Variants in DNAH2 observed in about 807,000 individuals in gnomAD.
DNAH2 encodes dynein axonemal heavy chain 2, also known as axonemal beta dynein heavy chain 2.
Under a neutral mutation model 523.5 loss-of-function variants are expected in DNAH2, and 323 were observed. That is an observed-to-expected ratio of 0.62 (90% CI 0.56 to 0.68). DNAH2 has a LOEUF of 0.68. Ranked by LOEUF, DNAH2 falls within the 30% of genes least tolerant of loss-of-function variation. DNAH2 has a pLI of 0.00. For missense variants in DNAH2, 4,907 were observed against 5,701.5 expected (o/e 0.86, Z 4.49); for synonymous variants, 2,093 against 2,177.4 (o/e 0.96, Z 1.08).
Position 7,760,807 on chromosome 17 carries a change from G to A in DNAH2, c.2853G>A (p.Leu951=). The change falls in exon 18 of 86, where the codon CTG becomes CTA. Residue 951 remains leucine, a synonymous_variant. Coordinates refer to ENST00000572933, the MANE Select transcript of DNAH2 (RefSeq NM_020877.5). The surrounding 1 kb of genome is among the most constrained non-coding windows in gnomAD (Gnocchi z 4.0). ...GCGGCATGACTAACAACGCAAGCCTGCTGCAGAACTACCTCAAGACCTGGG... is the reference window on the plus strand; with the variant it reads ...GCGGCATGACTAACAACGCAAGCCTACTGCAGAACTACCTCAAGACCTGGG... ...ISSGMTNNAS[L]LQNYLKTWDM... 1 of 1,614,190 alleles carries A rather than the reference G, an allele frequency of 6.2e-7. No homozygotes were observed. Among genetic ancestry groups the A allele is most frequent in the African/African-American group, 1.3e-5 (1 of 75,034 alleles).
intron 13 of DNAH2, among the ~76,000 whole-genome samples, 173 bp from the exon 14 acceptor site, chr17:7,758,322 A>G (rs1223501564): frequency 1.3e-5 from 2 of 152,154 alleles, no homozygotes; most frequent in African/African-American, 4.8e-5. Flanking sequence ...GCACCAACCT[A>G]AGAGAACACT....
At position 7,759,918 on chromosome 17, in the gene DNAH2, A is replaced by G; in HGVS notation, c.2765A>G (p.Glu922Gly). ...CTCACCAAGCGCAAGTTACATCGTG[A>G]ACCCATCCAAACAGTTGTGGGTGAG... ...DILTKRKLHREPIQTVVEQDE... is the reference protein window; with the variant it reads ...DILTKRKLHRGPIQTVVEQDE... Residue 922 changes from glutamate (E) to glycine (G), a missense_variant, in exon 17 of 86, where the codon GAA becomes GGA. Coordinates refer to ENST00000572933, the MANE Select transcript of DNAH2 (RefSeq NM_020877.5). The G allele has an allele frequency of 6.2e-7, 1 of 1,614,178 alleles. No individual in the cohort carries two copies. Among genetic ancestry groups the G allele is most frequent in the Non-Finnish European group, 8.5e-7 (1 of 1,180,032 alleles).
chr17:7,735,688 T>C (rs1313356239), intron 7 of DNAH2, among the ~76,000 whole-genome samples: 4 of 151,410 alleles, frequency 2.6e-5, no homozygotes, highest in Non-Finnish European at 5.9e-5. Context: ...ATCCACCCAC[T>C]TCAGCCTCCT....
chr17:7,823,110 A>C (rs2077906754), intron 73 of DNAH2, among the ~76,000 whole-genome samples: 1 of 152,098 alleles, frequency 6.6e-6, no homozygotes, highest in Non-Finnish European at 1.5e-5. Context: ...CCTGGCCAAC[A>C]TGGTGAAACC....
intron 61 of DNAH2, 55 bp downstream of exon 61, chr17:7,805,448 GTCGGCTGTGCAGCAGACAC>G: frequency 6.2e-7 from 1 of 1,608,680 alleles, no homozygotes; most frequent in Non-Finnish European, 8.5e-7. Context: ...TTTATTGATC[GTCGGCTGTGCAGCAGACAC>G]TCAGAAAGAT....
chr17:7,755,929 G>A (rs1322398386), intron 12 of DNAH2, among the ~76,000 whole-genome samples: 1 of 151,144 alleles, frequency 6.6e-6, no homozygotes, highest in Non-Finnish European at 1.5e-5. Context: ...CCTCCTGACT[G>A]ATATCTCATT....
intron 12 of DNAH2, among the ~76,000 whole-genome samples, chr17:7,756,793 C>T (rs1413957832): frequency 1.3e-5 from 2 of 152,178 alleles, no homozygotes; most frequent in Non-Finnish European, 2.9e-5. Context: ...GCCTCATTCT[C>T]CTGAGTAGCT....
chr17:7,777,400 G>A lies in DNAH2; in HGVS notation c.5059-46G>A, dbSNP rs778469335. The A allele has an allele frequency of 2.5e-6, 4 of 1,606,950 alleles. No homozygotes were observed. In the East Asian group the frequency reaches 8.9e-5, roughly 36 times the overall value. ...AGGGGCAAGGGTTGATCAGGCTTTG[G>A]CGGCATTGCTCTGTCTGCTCTCTTC... On this transcript the variant is annotated intron_variant, in intron 32 of 85. Transcript: ENST00000572933.
chr17:7,741,293 T>A, intron 11 of DNAH2, among the ~76,000 whole-genome samples: 2 of 61,548 alleles, frequency 3.2e-5, no homozygotes, highest in African/African-American at 7.7e-5. Context: ...TTTCTTTCTT[T>A]CTTCCTTCCT....
chr17:7,785,665 T>G (rs1374746967), intron 39 of DNAH2, among the ~76,000 whole-genome samples: 3 of 152,224 alleles, frequency 2.0e-5, no homozygotes, highest in Non-Finnish European at 4.4e-5. Flanking sequence ...ACTTTTTAAC[T>G]TAGGTAATAA....
intron 75 of DNAH2, 55 bp downstream of exon 75, chr17:7,824,037 C>G: frequency 1.3e-6 from 2 of 1,590,826 alleles, no homozygotes; most frequent in South Asian, 1.1e-5. Flanking sequence ...CTGCCTCCCT[C>G]GCTCTGTTTC....
At chr17:7,733,791 A>G (rs2075062024) in intron 5 of DNAH2, among the ~76,000 whole-genome samples, 1 of 151,946 alleles carries the variant, frequency 6.6e-6, no homozygotes, top group Non-Finnish European at 1.5e-5. Context: ...TCCGCTTTCT[A>G]ATCCAGACAC....
chr17:7,832,930 T>G lies in DNAH2; in HGVS notation c.12978+2T>G, dbSNP rs768754321. ...AGCAACCTAGTGTATCCCCCCAAGG[T>G]GGGAGCCAGTTGTGCTTGGGGCTCT... On this transcript the variant is annotated splice_donor_variant, in intron 84 of 85. Transcript: ENST00000572933. LOFTEE classifies it high-confidence loss of function. The surrounding 1 kb of genome is among the most constrained non-coding windows in gnomAD (Gnocchi z 4.3). 1.2e-6 allele frequency: 2 copies of G among 1,614,116 alleles called. No homozygotes were observed. Among genetic ancestry groups the G allele is most frequent in the Non-Finnish European group, 1.7e-6 (2 of 1,180,018 alleles).
intron 44 of DNAH2, among the ~76,000 whole-genome samples, chr17:7,789,705 T>G (rs1180119873): frequency 6.6e-6 from 1 of 151,734 alleles, no homozygotes; most frequent in Non-Finnish European, 1.5e-5. Flanking sequence ...GCCTCCTGAG[T>G]AGCTGGGACT....
chr17:7,789,778 T>C (rs1236334008), intron 44 of DNAH2, among the ~76,000 whole-genome samples: 1 of 151,924 alleles, frequency 6.6e-6, no homozygotes, highest in Non-Finnish European at 1.5e-5. Flanking sequence ...GGGTTTCACC[T>C]TGTTGGTCAA....
intron 11 of DNAH2, 53 bp from the exon 12 acceptor site, chr17:7,742,875 C>CGTA: frequency 3.0e-6 from 4 of 1,337,408 alleles, no homozygotes; most frequent in South Asian, 2.2e-5. Flanking sequence ...AGATGGTGGC[C>CGTA]CCTGGAGGAA....
At chr17:7,791,769 AT>A in intron 44 of DNAH2, 147 bp from the exon 45 acceptor site, 3 of 754,466 alleles carry the variant, frequency 4.0e-6, no homozygotes, top group Non-Finnish European at 6.4e-6. Context: ...GTAGATAAAC[AT>A]CCACATTTGG....
chr17:7,738,044 G>A, intron 8 of DNAH2: 1 of 703,466 alleles, frequency 1.4e-6, no homozygotes. Flanking sequence ...TTCCAGCAAG[G>A]AGGACCTGCA....
chr17:7,819,268 C>T lies in DNAH2; in HGVS notation c.10875C>T (p.Gly3625=). The change falls in exon 72 of 86, where the codon GGC becomes GGT. Residue 3625 remains glycine (G), a synonymous_variant. Coordinates refer to ENST00000572933, the MANE Select transcript of DNAH2 (RefSeq NM_020877.5). ...SILFFVLNDM[G]CIDPMYQFSL... is the part of the protein sequence containing the mutation. ...TGTTCTTCGTGCTCAATGATATGGG[C>T]TGCATCGACCCCATGTACCAGTTCT... The T allele has an allele frequency of 6.2e-7, 1 of 1,614,172 alleles. No individual in the cohort carries two copies. The highest frequency in any genetic ancestry group is 8.5e-7 in the Non-Finnish European group (1 of 1,180,032).
Sources: allele counts gnomAD v4.1 joint callset (sites outside exome capture counted in the v4.1 genomes callset), GRCh38; gene constraint gnomAD v4.1.1; non-coding constraint Gnocchi (gnomAD v3.1); transcripts MANE v1.5; gene names NCBI Gene and HGNC (gene_info 2026-07-23, HGNC 2026-07-21).